Variants in NCALD observed in about 807,000 individuals in gnomAD.
The protein encoded by NCALD is neurocalcin delta.
Under a neutral mutation model 18.6 loss-of-function variants are expected in NCALD, and 10 were observed. The ratio of observed to expected loss-of-function variants is 0.54; its 90% CI spans 0.33 to 0.91. The LOEUF (loss-of-function observed/expected upper bound fraction) is 0.91. Among genes scored for constraint, NCALD ranks in the 40% least tolerant of loss-of-function variants. The pLI is 0.03. For missense variants in NCALD, 184 were observed against 247.6 expected (o/e 0.74, Z 1.72); for synonymous variants, 88 against 87.4 (o/e 1.01, Z -0.04).
chr8:101,891,524 T>C (rs1458558229), intron 3 of NCALD, among the ~76,000 whole-genome samples: 3 of 152,144 alleles, frequency 2.0e-5, no homozygotes, highest in South Asian at 2.1e-4. Flanking sequence ...GATGGCCAAA[T>C]AGGAACAGCT....
intron 2 of NCALD, among the ~76,000 whole-genome samples, chr8:101,998,176 T>C (rs1355510888): frequency 1.3e-5 from 2 of 152,202 alleles, no homozygotes; most frequent in Non-Finnish European, 2.9e-5. Context: ...AGGGTCTTTA[T>C]GCACCAGAAC....
At chr8:102,069,771 AG>A (rs1432719641) in intron 1 of NCALD, among the ~76,000 whole-genome samples, 1 of 152,252 alleles carries the variant, frequency 6.6e-6, no homozygotes, top group Non-Finnish European at 1.5e-5. Flanking sequence ...GTTAAATGAC[AG>A]AAGCAGATTT....
At chr8:101,780,663 ATGCGAATGTACT>A (rs1298000023) in intron 1 of NCALD, among the ~76,000 whole-genome samples, 1 of 152,160 alleles carries the variant, frequency 6.6e-6, no homozygotes, top group East Asian at 1.9e-4. Context: ...TTGCACAACA[ATGCGAATGTACT>A]TAGTGAACTG....
chr8:102,006,940 C>T (rs1156807647), intron 2 of NCALD, among the ~76,000 whole-genome samples: 2 of 152,146 alleles, frequency 1.3e-5, no homozygotes, highest in Non-Finnish European at 2.9e-5. Flanking sequence ...CACAAGGCAC[C>T]GCTCAGGCCA....
chr8:101,896,688 A>G (rs1438549260), intron 3 of NCALD, among the ~76,000 whole-genome samples: 1 of 150,442 alleles, frequency 6.6e-6, no homozygotes, highest in Non-Finnish European at 1.5e-5. Flanking sequence ...AAACAACCCC[A>G]TCAAAAAGTG....
At chr8:101,932,355 C>T (rs918369477) in intron 2 of NCALD, among the ~76,000 whole-genome samples, 3 of 152,028 alleles carry the variant, frequency 2.0e-5, no homozygotes, top group African/African-American at 7.3e-5. Context: ...TTCTGCATGT[C>T]CCCCAAAATA....
At chr8:101,934,012 T>C (rs1342869268) in intron 2 of NCALD, among the ~76,000 whole-genome samples, 11 of 152,166 alleles carry the variant, frequency 7.2e-5, no homozygotes, top group Non-Finnish European at 1.2e-4. Flanking sequence ...GAAAGTGTGA[T>C]CCAGAGCATA....
intron 4 of NCALD, among the ~76,000 whole-genome samples, chr8:101,840,000 A>G (rs1213376284): frequency 1.3e-5 from 2 of 152,168 alleles, no homozygotes; most frequent in African/African-American, 4.8e-5. Context: ...TGCATCTTCA[A>G]CAGCTATTAA....
At chr8:102,006,035 A>C (rs984581689) in intron 2 of NCALD, among the ~76,000 whole-genome samples, 6 of 152,032 alleles carry the variant, frequency 3.9e-5, no homozygotes, top group African/African-American at 1.2e-4. Context: ...ATAATAATAA[A>C]AAAAAAAAAC....
intron 2 of NCALD, among the ~76,000 whole-genome samples, chr8:101,697,683 T>C (rs1475636984): frequency 1.3e-5 from 2 of 151,948 alleles, no homozygotes; most frequent in Non-Finnish European, 2.9e-5. Context: ...AACAGAAACA[T>C]ATAAATGACA....
At chr8:102,084,519 C>A (rs1417999422) in intron 1 of NCALD, among the ~76,000 whole-genome samples, 1 of 152,234 alleles carries the variant, frequency 6.6e-6, no homozygotes, top group Non-Finnish European at 1.5e-5. Context: ...TGCTGGCATG[C>A]TTCCAGGGTT....
intron 1 of NCALD, among the ~76,000 whole-genome samples, chr8:101,754,957 T>C (rs1810814285): frequency 6.6e-6 from 1 of 152,226 alleles, no homozygotes. Flanking sequence ...GTCACTCTGC[T>C]AAAGAGCGAT....
At chr8:102,042,622 G>T (rs554668006) in intron 1 of NCALD, among the ~76,000 whole-genome samples, 1 of 151,778 alleles carries the variant, frequency 6.6e-6, no homozygotes, top group African/African-American at 2.4e-5. Flanking sequence ...ATGTCTTGTC[G>T]GGTCTCCTGG....
intron 2 of NCALD, among the ~76,000 whole-genome samples, chr8:101,927,448 G>C (rs146011830): frequency 6.6e-6 from 1 of 152,320 alleles, no homozygotes; most frequent in Non-Finnish European, 1.5e-5. Context: ...AAGGGTCTGC[G>C]TGTGATGAAG....
chr8:101,829,280 A>T (rs1243321752), intron 4 of NCALD, among the ~76,000 whole-genome samples: 1 of 152,210 alleles, frequency 6.6e-6, no homozygotes, highest in Non-Finnish European at 1.5e-5. Context: ...TCTTAAATTC[A>T]ACAATCCCTT....
intron 1 of NCALD, among the ~76,000 whole-genome samples, chr8:101,753,948 T>A (rs10808377): frequency 0.62 from 94,947 of 152,086 alleles, 32,036 homozygotes; most frequent in Non-Finnish European, 0.75. Context: ...TATTTACAGT[T>A]GACAGCATCC....
chr8:101,687,515 T>G lies in NCALD; in HGVS notation c.*1794A>C, dbSNP rs1814522542. On this transcript the variant is annotated 3_prime_UTR_variant, in exon 4 of 4. Transcript: ENST00000220931. ...TTCACCCTATGGATTTGGTTCTTTT[T>G]GGTCTACCATACAAATTTGGATTTC... is the stretch of plus-strand genomic sequence containing the variant. 6.5e-6 allele frequency: 1 copy of G among 152,672 alleles called. No homozygotes were observed. Among genetic ancestry groups the G allele is most frequent in the South Asian group, 2.1e-4 (1 of 4,830 alleles). The allele number at this position is 152,672 out of a possible 1,614,324, so 9.5% of individuals were successfully genotyped here.
chr8:101,902,175 A>T (rs1817452469), intron 3 of NCALD, among the ~76,000 whole-genome samples: 1 of 151,258 alleles, frequency 6.6e-6, no homozygotes, highest in African/African-American at 2.4e-5. Flanking sequence ...AGCCTATTTG[A>T]TCTATTGCTA....
At chr8:102,107,968 C>A (rs529075778) in intron 1 of NCALD, among the ~76,000 whole-genome samples, 26 of 152,262 alleles carry the variant, frequency 1.7e-4, no homozygotes, top group African/African-American at 5.8e-4. Flanking sequence ...AGAGGGAAAT[C>A]TCAAAGGGCA....
Sources: gnomAD v4.1 joint callset for allele counts (sites outside exome capture counted in the v4.1 genomes callset) on GRCh38, gnomAD v4.1.1 for gene constraint, MANE v1.5 for transcripts, NCBI Gene and HGNC (gene_info 2026-07-23, HGNC 2026-07-21) for gene names.